Variants in DOT1L observed in about 807,000 individuals in gnomAD.
DOT1L encodes DOT1 like histone lysine methyltransferase, also known as histone-lysine N-methyltransferase, H3 lysine-79 specific.
A neutral mutation model predicts 153.3 loss-of-function variants in DOT1L; 33 were observed. The observed-to-expected ratio is 0.22, with a 90% CI of 0.16 to 0.29. The LOEUF is 0.29. Among genes scored for constraint, DOT1L ranks in the 10% least tolerant of loss-of-function variants. The probability of loss-of-function intolerance (pLI) is 1.00; values close to 1 mark genes in which losing one functional copy is unlikely to be tolerated. For synonymous variants in DOT1L, 1,135 were observed against 965.1 expected (o/e 1.18, Z -3.26); for missense variants, 1,847 against 2,119.9 (o/e 0.87, Z 2.53).
intron 3 of DOT1L, 45 bp from the exon 4 acceptor site, chr19:2,189,687 C>G (rs761298039): frequency 5.0e-6 from 8 of 1,602,060 alleles, no homozygotes; most frequent in Non-Finnish European, 8.5e-7. Context: ...ATGCATGCGG[C>G]TGGCTCCTGC....
intron 1 of DOT1L, among the ~76,000 whole-genome samples, chr19:2,178,415 ATTTT>A (rs1174458033): frequency 7.8e-6 from 1 of 128,362 alleles, no homozygotes; most frequent in Admixed American, 7.9e-5. Context: ...TCACTTTGAA[ATTTT>A]TTTTTTTTTT....
At chr19:2,225,592 C>A in intron 26 of DOT1L, 140 bp downstream of exon 26, 1 of 961,118 alleles carries the variant, frequency 1.0e-6, no homozygotes, top group Non-Finnish European at 1.6e-6. Flanking sequence ...CTGCGTGGTG[C>A]TGGCCTGCTG....
In DOT1L at chr19:2,220,326, T is replaced by C; in HGVS notation, c.2806+104T>C. 6 of 1,153,826 alleles carry C rather than the reference T, an allele frequency of 5.2e-6. No individual in the cohort carries two copies. Among genetic ancestry groups the C allele is most frequent in the Non-Finnish European group, 7.5e-6 (6 of 795,670 alleles). 71.5% of individuals were successfully genotyped at this position (1,153,826 alleles called of 1,614,324 possible). On this transcript the variant is annotated intron_variant, in intron 23 of 27. Transcript: ENST00000398665. This position sits in a 1 kb window ranked among gnomAD's most constrained non-coding sequence, Gnocchi z 4.5. ...AGTGGAACAGGGCTTCCTGGGGTGA[T>C]CATGGGGGCTGCTGCCCCAAACCGC... is the stretch of plus-strand genomic sequence containing the variant.
intron 1 of DOT1L, among the ~76,000 whole-genome samples, chr19:2,167,734 CTTTTTTT>C (rs66826356): frequency 1.3e-4 from 18 of 134,706 alleles, no homozygotes; most frequent in Admixed American, 6.6e-4. Flanking sequence ...CTTTTCTTTT[CTTTTTTT>C]TTTTTTTTTT....
At chr19:2,176,015 C>T (rs1327404429) in intron 1 of DOT1L, among the ~76,000 whole-genome samples, 2 of 152,112 alleles carry the variant, frequency 1.3e-5, no homozygotes, top group Admixed American at 1.3e-4. Flanking sequence ...ACCTCTGTGT[C>T]CCGGCTCTGC....
chr19:2,188,840 G>C (rs1211181675), intron 3 of DOT1L, among the ~76,000 whole-genome samples: 1 of 152,226 alleles, frequency 6.6e-6, no homozygotes, highest in East Asian at 1.9e-4. Context: ...CCCCGTAGCA[G>C]GCTTGCCCCC....
chr19:2,191,893 C>T lies in DOT1L; in HGVS notation c.493+653C>T, dbSNP rs1384704995. 2.6e-5 allele frequency among the ~76,000 whole-genome samples: 4 copies of T among 152,184 alleles called. No homozygotes were observed. The highest frequency in any genetic ancestry group is 1.3e-4 in the Admixed American group (2 of 15,282). On this transcript the variant is annotated intron_variant, in intron 5 of 27. Transcript: ENST00000398665. The surrounding 1 kb of genome is among the most constrained non-coding windows in gnomAD (Gnocchi z 6.8). The stretch of plus-strand genomic sequence containing the variant: ...CGGGCGGGGCTCCTTGAAACGAGGC[C>T]CTAGGTGTGTCTTCAGCAGCAGCGT...
Position 2,223,425 on chromosome 19 carries a change from C to T in DOT1L, c.3535C>T (p.His1179Tyr), listed in dbSNP as rs2024205922. ...GCCTCTGAGCCAGACCAATGGGGCACACTACTCCCCACTCACCTCAGACGA... is the reference window on the plus strand; with the variant it reads ...GCCTCTGAGCCAGACCAATGGGGCATACTACTCCCCACTCACCTCAGACGA... ...ERPLSQTNGA[H>Y]YSPLTSDEEP... is the part of the protein sequence containing the mutation. The change falls in exon 25 of 28, where the codon CAC (histidine) becomes TAC (tyrosine). Residue 1179 changes from histidine (H) to tyrosine (Y), a missense_variant. Transcript: ENST00000398665. 1 of 1,613,462 alleles carries T rather than the reference C, an allele frequency of 6.2e-7. No individual in the cohort carries two copies.
chr19:2,176,315 G>C lies in DOT1L; in HGVS notation c.82-4398G>C, dbSNP rs752989585. 4.9e-4 allele frequency among the ~76,000 whole-genome samples: 74 copies of C among 152,204 alleles called. 1 individual carries two copies. The highest frequency in any genetic ancestry group is 9.6e-4 in the Non-Finnish European group (65 of 68,038). On this transcript the variant is annotated intron_variant, in intron 1 of 27. Transcript: ENST00000398665. The stretch of plus-strand genomic sequence containing the variant: ...CAGGGGCAGTAACTCGGGGTGCACT[G>C]CCTGGTGGGGACACTGTCTCCCTAG...
chr19:2,171,984 A>T (rs2021658016), intron 1 of DOT1L, among the ~76,000 whole-genome samples: 3 of 152,254 alleles, frequency 2.0e-5, no homozygotes, highest in Admixed American at 1.3e-4. Context: ...GACTCCAGGG[A>T]CGTGAAGATA....
At position 2,230,455 on chromosome 19, in the gene DOT1L, T is replaced by C; in HGVS notation, c.*663T>C. 1 of 399,464 alleles carries C rather than the reference T, an allele frequency of 2.5e-6. No individual in the cohort carries two copies. Among genetic ancestry groups the C allele is most frequent in the Non-Finnish European group, 4.4e-6 (1 of 226,692 alleles). The allele number at this position is 399,464 out of a possible 1,614,324, so 24.7% of individuals were successfully genotyped here. ...TTGCGCCCTTGCATGTGAAGGGGCC[T>C]GCGCGGTGACGCAGCTGGCCATGTG... On this transcript the variant is annotated 3_prime_UTR_variant, in exon 28 of 28. Coordinates refer to ENST00000398665, the MANE Select transcript of DOT1L (RefSeq NM_032482.3).
At position 2,229,771 on chromosome 19, in the gene DOT1L, G is replaced by T. The variant is rs199523247; in HGVS notation, c.4607-14G>T. 224 of 1,613,248 alleles carry T rather than the reference G, an allele frequency of 1.4e-4. No individual in the cohort carries two copies. In the African/African-American group the frequency reaches 2.3e-3, roughly 17 times the overall value. ...GTAACCTCAGGCCGCTCTTCCCGCT[G>T]TGCCCTTCTGCAGGTAACTAGGATT... On this transcript the variant is annotated splice_polypyrimidine_tract_variant and intron_variant, in intron 27 of 27. Coordinates refer to ENST00000398665, the MANE Select transcript of DOT1L (RefSeq NM_032482.3).
At chr19:2,214,242 C>G (rs905737113) in intron 18 of DOT1L, 7 of 877,684 alleles carry the variant, frequency 8.0e-6, no homozygotes, top group Non-Finnish European at 1.2e-5. Context: ...TGGGGTCATG[C>G]GAGCATCCCA....
chr19:2,216,561 C>T lies in DOT1L; in HGVS notation c.2204C>T (p.Thr735Met), dbSNP rs777525091. 59 of 1,609,784 alleles carry T rather than the reference C, an allele frequency of 3.7e-5. No homozygotes were observed. The highest frequency in any genetic ancestry group is 5.0e-5 in the Admixed American group (3 of 60,000). Residue 735 changes from threonine to methionine, a missense_variant, in exon 20 of 28, where the codon ACG becomes ATG. This residue lies in a region of DOT1L where 281 missense variants were observed against 263.6 expected (regional missense o/e 1.07). Transcript: ENST00000398665. Reference protein sequence around the residue: ...VLSRPSSKQNTPQYLASPLDQ... With the variant: ...VLSRPSSKQNMPQYLASPLDQ... The stretch of plus-strand genomic sequence containing the variant: ...AGCCGGCCTTCGTCGAAGCAGAACA[C>T]GCCCCAGTACCTGGCCTCACCCCTG...
In DOT1L at chr19:2,228,843, G is replaced by A. The variant is rs553456275; in HGVS notation, c.4607-942G>A. The A allele has an allele frequency of 2.9e-5, 29 of 985,440 alleles. No individual in the cohort carries two copies. In the African/African-American group the frequency reaches 4.9e-4, roughly 17 times the overall value. The allele number at this position is 985,440 out of a possible 1,614,324, so 61.0% of individuals were successfully genotyped here. On this transcript the variant is annotated intron_variant, in intron 27 of 27. Transcript: ENST00000398665. The stretch of plus-strand genomic sequence containing the variant: ...GTGCCGGCTGCAGAGGTCCTGGAGA[G>A]CCAGGGTGGCTGGCTGGATGCCTCT...
chr19:2,227,451 C>T (rs2024399467), intron 27 of DOT1L: 4 of 587,380 alleles, frequency 6.8e-6, no homozygotes, highest in East Asian at 4.2e-5. Flanking sequence ...TGGCAAGGCT[C>T]TGGGAGCTGG....
At chr19:2,202,831 G>A (rs756641902) in intron 9 of DOT1L, 52 bp downstream of exon 9, 1 of 1,599,992 alleles carries the variant, frequency 6.3e-7, no homozygotes, top group Admixed American at 1.7e-5. Context: ...TTGAGGAAGG[G>A]TGGCCAGGAG....
In DOT1L at chr19:2,232,510, C is replaced by T. The variant is rs1482604780; in HGVS notation, c.*2718C>T. The T allele has an allele frequency of 4.5e-6, 1 of 220,360 alleles. No individual in the cohort carries two copies. Among genetic ancestry groups the T allele is most frequent in the Non-Finnish European group, 9.1e-6 (1 of 109,976 alleles). 13.7% of individuals were successfully genotyped at this position (220,360 alleles called of 1,614,324 possible). On this transcript the variant is annotated 3_prime_UTR_variant, in exon 28 of 28. Transcript: ENST00000398665. ...GCCCCTGGGCTGCAGGCGCCCCTTC[C>T]TCTGGGCACCCCTGCATTCTGCATC...
chr19:2,217,056 C>G lies in DOT1L; in HGVS notation c.2510C>G (p.Ala837Gly). ...GACCCGCGGCCCCTGTCCCCTGGGG[C>G]CTTGCAGCTTGCTGGAGAGAAGAGC... ...PQDPRPLSPG[A>G]LQLAGEKSSE... Residue 837 changes from alanine to glycine, a missense_variant, in exon 21 of 28, where the codon GCC becomes GGC. Physicochemically the swap from Ala to Gly is moderately conservative, Grantham distance 60. This residue lies in a region of DOT1L where 281 missense variants were observed against 263.6 expected (regional missense o/e 1.07). Coordinates refer to ENST00000398665, the MANE Select transcript of DOT1L (RefSeq NM_032482.3). The surrounding 1 kb of genome is among the most constrained non-coding windows in gnomAD (Gnocchi z 7.3). 3 of 1,610,500 alleles carry G rather than the reference C, an allele frequency of 1.9e-6. 1 individual carries two copies. The South Asian group carries it at 3.3e-5, about 18-fold the overall frequency.
Sources: gnomAD v4.1 joint callset for allele counts (sites outside exome capture counted in the v4.1 genomes callset) on GRCh38, gnomAD v4.1.1 for gene constraint, gnomAD v4.1.1 regional missense constraint, Gnocchi (gnomAD v3.1) non-coding constraint, MANE v1.5 for transcripts, NCBI Gene and HGNC (gene_info 2026-07-23, HGNC 2026-07-21) for gene names.